The following ATG7 variants were observed in gnomAD, a reference collection of about 807,000 sequenced individuals.
ATG7 encodes the protein autophagy related 7, also known as ubiquitin-like modifier-activating enzyme ATG7.
In ATG7, 70 loss-of-function variants were observed where a neutral mutation model predicts 82.4. The ratio of observed to expected loss-of-function variants is 0.85; its 90% CI spans 0.70 to 1.04. The LOEUF is 1.04. ATG7 is among the 50% of genes least tolerant of loss of function. ATG7 has a pLI of 0.00. For synonymous variants in ATG7, 287 were observed against 313.0 expected (o/e 0.92, Z 0.88); for missense variants, 792 against 864.3 (o/e 0.92, Z 1.05).
chr3:11,424,556 T>C (rs2082201250), intron 19 of ATG7, among the ~76,000 whole-genome samples: 1 of 151,728 alleles, frequency 6.6e-6, no homozygotes, highest in Non-Finnish European at 1.5e-5. Flanking sequence ...GATTAAATTA[T>C]GGTGTATTTA....
intron 20 of ATG7, among the ~76,000 whole-genome samples, chr3:11,459,320 T>G (rs1191795428): frequency 6.6e-6 from 1 of 152,158 alleles, no homozygotes; most frequent in African/African-American, 2.4e-5. Context: ...AAAAATATAA[T>G]GTATCATCTC....
intron 20 of ATG7, among the ~76,000 whole-genome samples, chr3:11,533,339 CCT>C (rs1367672394): frequency 6.6e-6 from 1 of 152,096 alleles, no homozygotes; most frequent in Non-Finnish European, 1.5e-5. Flanking sequence ...TGGTAAACCT[CCT>C]CTGGGGTGAT....
intron 7 of ATG7, among the ~76,000 whole-genome samples, chr3:11,311,751 G>A (rs1406896504): frequency 6.6e-6 from 1 of 151,936 alleles, no homozygotes; most frequent in African/African-American, 2.4e-5. Flanking sequence ...TGTTTTTTAG[G>A]ACTCATAGGA....
At chr3:11,385,995 C>G (rs187096959) in intron 19 of ATG7, among the ~76,000 whole-genome samples, 20 of 152,218 alleles carry the variant, frequency 1.3e-4, no homozygotes, top group Non-Finnish European at 2.2e-4. Context: ...ACATGTAAAA[C>G]TCTTGCTCAC....
chr3:11,415,448 C>CT (rs889209208), intron 19 of ATG7, among the ~76,000 whole-genome samples: 9 of 152,128 alleles, frequency 5.9e-5, no homozygotes, highest in Admixed American at 1.3e-4. Context: ...TGATTAAAAA[C>CT]TTTTTTTACT....
chr3:11,507,971 C>CA (rs1192043985), intron 20 of ATG7, among the ~76,000 whole-genome samples: 3 of 150,466 alleles, frequency 2.0e-5, no homozygotes, highest in Non-Finnish European at 4.4e-5. Flanking sequence ...AACAAAAAAA[C>CA]AAAAAACAAA....
chr3:11,570,494 A>T, the ATG7 span, among the ~76,000 whole-genome samples: 1 of 152,174 alleles, frequency 6.6e-6, no homozygotes, highest in Non-Finnish European at 1.5e-5. Context: ...GAAGGCTGAC[A>T]CTGCAGCCCC....
At chr3:11,541,502 G>A (rs1240694188) in intron 20 of ATG7, among the ~76,000 whole-genome samples, 1 of 152,140 alleles carries the variant, frequency 6.6e-6, no homozygotes, top group African/African-American at 2.4e-5. Context: ...CTTGGTCTCC[G>A]ATGGTCCGGC....
intron 3 of ATG7, among the ~76,000 whole-genome samples, chr3:11,284,331 C>G (rs1310228515): frequency 6.6e-6 from 1 of 152,220 alleles, no homozygotes; most frequent in Non-Finnish European, 1.5e-5. Flanking sequence ...ATTCTATAAG[C>G]AGCCAAGCCA....
the ATG7 span, among the ~76,000 whole-genome samples, chr3:11,574,423 C>G: frequency 6.6e-6 from 1 of 152,088 alleles, no homozygotes; most frequent in Non-Finnish European, 1.5e-5. Flanking sequence ...AAACAGAGAC[C>G]AGAGCTGGGC....
intron 20 of ATG7, among the ~76,000 whole-genome samples, chr3:11,466,796 A>G (rs2086868586): frequency 6.6e-6 from 1 of 152,210 alleles, no homozygotes; most frequent in African/African-American, 2.4e-5. Flanking sequence ...GTGTTCACAG[A>G]TCTCAGAAAT....
At chr3:11,332,899 C>T in intron 10 of ATG7, 73 bp from the exon 11 acceptor site, 1 of 1,348,084 alleles carries the variant, frequency 7.4e-7, no homozygotes, top group African/African-American at 1.5e-5. Context: ...TGCTGAAGCT[C>T]TTATGTGAGC....
At chr3:11,477,247 C>G in intron 20 of ATG7, 1 of 1,277,976 alleles carries the variant, frequency 7.8e-7, no homozygotes. Context: ...CCATCTGATT[C>G]TTGGCTGCTT....
intron 20 of ATG7, among the ~76,000 whole-genome samples, chr3:11,492,118 C>A (rs896406172): frequency 1.3e-5 from 2 of 152,208 alleles, no homozygotes; most frequent in African/African-American, 2.4e-5. Flanking sequence ...AGTGAGACTC[C>A]GTGGTCATAG....
intron 20 of ATG7, among the ~76,000 whole-genome samples, chr3:11,458,827 A>G (rs1321689305): frequency 6.6e-6 from 1 of 152,206 alleles, no homozygotes; most frequent in Non-Finnish European, 1.5e-5. Flanking sequence ...TAGGAACCCG[A>G]TCGCGCAGCT....
At chr3:11,427,120 T>A (rs911828423) in intron 20 of ATG7, among the ~76,000 whole-genome samples, 194 bp downstream of exon 20, 1 of 152,238 alleles carries the variant, frequency 6.6e-6, no homozygotes, top group Non-Finnish European at 1.5e-5. Context: ...TGTAGGTTGC[T>A]GTCCAGTAGG....
Position 11,511,097 on chromosome 3 carries a change from G to A in ATG7, c.2080-43714G>A, listed in dbSNP as rs2092028454. Among the ~76,000 whole-genome samples the A allele has an allele frequency of 2.6e-5, 4 of 152,152 alleles. No homozygotes were observed. In the South Asian group the frequency reaches 6.2e-4, roughly 24 times the overall value. ...GAGTGTTACAGCTCATAAAAGCAGC[G>A]TGGACCCAAAGAGTGAGCAGTAGCA... On this transcript the variant is annotated intron_variant, in intron 20 of 20. Transcript: ENST00000693202.
At chr3:11,536,650 G>C (rs78891930) in intron 20 of ATG7, among the ~76,000 whole-genome samples, 1 of 152,194 alleles carries the variant, frequency 6.6e-6, no homozygotes, top group Admixed American at 6.5e-5. Context: ...TCCCGAGAGC[G>C]GACCCTCTTG....
intron 20 of ATG7, among the ~76,000 whole-genome samples, chr3:11,544,345 T>G (rs1575270498): frequency 1.3e-5 from 2 of 152,128 alleles, no homozygotes; most frequent in African/African-American, 4.8e-5. Context: ...AGGGAAATGG[T>G]TAACCCGTGA....
Sources: allele counts gnomAD v4.1 joint callset (sites outside exome capture counted in the v4.1 genomes callset), GRCh38; gene constraint gnomAD v4.1.1; transcripts MANE v1.5; gene names NCBI Gene and HGNC (gene_info 2026-07-23, HGNC 2026-07-21).